Variants in ITGB1 observed in about 807,000 individuals in gnomAD.
ITGB1 encodes the protein integrin beta-1.
A neutral mutation model predicts 86.5 loss-of-function variants in ITGB1; 24 were observed. The observed-to-expected ratio is 0.28, with a 90% CI of 0.20 to 0.39. ITGB1 has a LOEUF of 0.39. ITGB1 is among the 10% of genes least tolerant of loss of function. ITGB1 has a pLI of 1.00. For missense variants in ITGB1, 556 were observed against 946.9 expected (o/e 0.59, Z 5.42); for synonymous variants, 323 against 316.8 (o/e 1.02, Z -0.21).
rs1196236634 is a variant in ITGB1, at chr10:32,913,990, GA to G, written c.1470-1867del. ...CTCTCGGCAGAAACTCTACAAGCCA[GA>G]AGAGAGTGGGGGCCAATATTTAACA... On this transcript the variant is annotated intron_variant, in intron 11 of 15. Coordinates refer to ENST00000302278, the MANE Select transcript of ITGB1 (RefSeq NM_002211.4). Among the ~76,000 whole-genome samples, 10 of 152,354 alleles carry G rather than the reference GA, an allele frequency of 6.6e-5. No homozygotes were observed. In the East Asian group the frequency reaches 1.7e-3, roughly 26 times the overall value.
intron 11 of ITGB1, among the ~76,000 whole-genome samples, chr10:32,913,949 C>G (rs899253703): frequency 6.6e-6 from 1 of 152,212 alleles, no homozygotes; most frequent in African/African-American, 2.4e-5. Context: ...GGAAGCCCAT[C>G]AGACTAGCAG....
intron 9 of ITGB1, among the ~76,000 whole-genome samples, chr10:32,922,046 C>G (rs1000925160): frequency 2.1e-4 from 32 of 152,148 alleles, no homozygotes; most frequent in African/African-American, 7.2e-4. Context: ...CCCCACATGC[C>G]TTTATCACAT....
chr10:32,901,720 T>A, intron 15 of ITGB1, 85 bp from the exon 16 acceptor site: 2 of 862,814 alleles, frequency 2.3e-6, no homozygotes, highest in Non-Finnish European at 3.7e-6. Flanking sequence ...GACTAAAAGT[T>A]GCAATCATCT....
At chr10:32,947,432 C>CGT (rs1186872641) in intron 1 of ITGB1, among the ~76,000 whole-genome samples, 15,895 of 137,208 alleles carry the variant, frequency 0.12, 1,107 homozygotes, top group Admixed American at 0.22. Flanking sequence ...CACATATAGC[C>CGT]GTGTGTGTGT....
intron 1 of ITGB1, 72 bp from the exon 2 acceptor site, chr10:32,935,630 AC>A (rs1462679386): frequency 1.8e-5 from 18 of 996,676 alleles, no homozygotes; most frequent in Admixed American, 5.8e-5. Flanking sequence ...AGAAAGTATT[AC>A]CCCACCGTAC....
intron 1 of ITGB1, among the ~76,000 whole-genome samples, chr10:32,946,924 A>G (rs909033094): frequency 1.3e-5 from 2 of 151,838 alleles, no homozygotes; most frequent in Admixed American, 1.3e-4. Flanking sequence ...GGCTCACTGC[A>G]ACCTCCGCCT....
At chr10:32,943,330 C>G (rs1160583966) in intron 1 of ITGB1, among the ~76,000 whole-genome samples, 1 of 152,078 alleles carries the variant, frequency 6.6e-6, no homozygotes, top group Non-Finnish European at 1.5e-5. Flanking sequence ...ACCAGATAAA[C>G]TAAATGTTTA....
At chr10:32,913,380 G>A (rs968299679) in intron 11 of ITGB1, among the ~76,000 whole-genome samples, 2 of 152,170 alleles carry the variant, frequency 1.3e-5, no homozygotes, top group Non-Finnish European at 2.9e-5. Flanking sequence ...CGAGCTAAAG[G>A]AGGATATTCA....
intron 15 of ITGB1, chr10:32,907,266 T>C (rs755339985): frequency 1.6e-5 from 5 of 309,656 alleles, no homozygotes; most frequent in South Asian, 9.3e-5. Flanking sequence ...ATTTAAAAAA[T>C]TGATAATTTT....
chr10:32,900,390 C>T lies in ITGB1; in HGVS notation c.*1180G>A, dbSNP rs1238530951. ...CTGATAAAATACATCAGAGTCAAGA[C>T]ATCCGATTTAAGTATTTTAGGCATA... On this transcript the variant is annotated 3_prime_UTR_variant, in exon 16 of 16. Coordinates refer to ENST00000302278, the MANE Select transcript of ITGB1 (RefSeq NM_002211.4). 1 of 152,548 alleles carries T rather than the reference C, an allele frequency of 6.6e-6. No individual in the cohort carries two copies. Among genetic ancestry groups the T allele is most frequent in the Non-Finnish European group, 1.5e-5 (1 of 67,994 alleles). The allele number at this position is 152,548 out of a possible 1,614,324, so 9.4% of individuals were successfully genotyped here. A position where few individuals can be genotyped will look rare whatever the true frequency, so the allele number is the denominator to read the frequency against.
rs142586196 is a variant in ITGB1 at position 32,935,487 on chromosome 10, T to C, written c.67+5A>G. On this transcript the variant is annotated splice_donor_5th_base_variant and intron_variant, in intron 2 of 15. Coordinates refer to ENST00000302278, the MANE Select transcript of ITGB1 (RefSeq NM_002211.4). ...AAGACAACTAAGAAAATTTTTTGTT[T>C]TTACCTGTTTGAGCAAACACACAGC... 1.2e-3 allele frequency: 1,921 copies of C among 1,609,752 alleles called. 17 individuals carry two copies. The African/African-American group carries it at 0.023, about 19-fold the overall frequency.
At chr10:32,940,164 T>C (rs920365419) in intron 1 of ITGB1, among the ~76,000 whole-genome samples, 4 of 151,958 alleles carry the variant, frequency 2.6e-5, no homozygotes, top group African/African-American at 9.7e-5. Flanking sequence ...GCCAACATGG[T>C]GAAACCCCGT....
intron 5 of ITGB1, among the ~76,000 whole-genome samples, chr10:32,927,771 G>A (rs1232357068): frequency 6.6e-6 from 1 of 152,178 alleles, no homozygotes; most frequent in Admixed American, 6.5e-5. Flanking sequence ...TCCAGTCTGG[G>A]CGACAAGAGT....
intron 1 of ITGB1, among the ~76,000 whole-genome samples, chr10:32,946,314 C>G (rs2095031178): frequency 6.6e-6 from 1 of 152,296 alleles, no homozygotes; most frequent in Admixed American, 6.5e-5. Context: ...GATTCGTAAA[C>G]AAGGTGTGCC....
intron 1 of ITGB1, among the ~76,000 whole-genome samples, chr10:32,939,066 C>T (rs1023867987): frequency 1.3e-4 from 20 of 152,230 alleles, no homozygotes; most frequent in Non-Finnish European, 2.9e-4. Flanking sequence ...CAGGACAGCA[C>T]TTCTCTAAGT....
intron 3 of ITGB1, among the ~76,000 whole-genome samples, chr10:32,932,237 A>G (rs553131401): frequency 5.3e-5 from 8 of 152,264 alleles, no homozygotes; most frequent in Admixed American, 5.2e-4. Flanking sequence ...TTATTTTTAA[A>G]TATACAAAAA....
At chr10:32,944,797 C>A in intron 1 of ITGB1, 1 of 816,224 alleles carries the variant, frequency 1.2e-6, no homozygotes. Flanking sequence ...GCTGAGTCTA[C>A]AACATTGAAT....
At chr10:32,915,539 T>G (rs1395555704) in intron 11 of ITGB1, among the ~76,000 whole-genome samples, 1 of 152,106 alleles carries the variant, frequency 6.6e-6, no homozygotes, top group Non-Finnish European at 1.5e-5. Context: ...TAAACACCAC[T>G]ATGCAAATTA....
At chr10:32,949,231 G>C (rs2095038041) in intron 1 of ITGB1, among the ~76,000 whole-genome samples, 1 of 152,098 alleles carries the variant, frequency 6.6e-6, no homozygotes, top group Non-Finnish European at 1.5e-5. Flanking sequence ...TACAGATGAG[G>C]AAACAAAACC....
Sources: gnomAD v4.1 joint callset for allele counts (sites outside exome capture counted in the v4.1 genomes callset) on GRCh38, gnomAD v4.1.1 for gene constraint, MANE v1.5 for transcripts, NCBI Gene and HGNC (gene_info 2026-07-23, HGNC 2026-07-21) for gene names.